NEGR1: variants seen among roughly 807,000 people sequenced by gnomAD.
NEGR1 encodes IgLON family member 4.
Under a neutral mutation model 40.9 loss-of-function variants are expected in NEGR1, and 10 were observed. That is an observed-to-expected ratio of 0.24 (90% CI 0.15 to 0.42). The LOEUF is 0.42. NEGR1 is among the 10% of genes least tolerant of loss of function. The pLI, the probability that NEGR1 is intolerant of heterozygous loss-of-function variation, is 1.00. For synonymous variants in NEGR1, 185 were observed against 166.8 expected, an observed-to-expected ratio of 1.11 and a Z score of -0.84; for missense variants, 352 against 438.9, an observed-to-expected ratio of 0.80 and a Z score of 1.77.
At chr1:71,732,492 CTGTGTGTGTG>C (rs141925137) in intron 3 of NEGR1, among the ~76,000 whole-genome samples, 19 of 147,226 alleles carry the variant, frequency 1.3e-4, no homozygotes, top group African/African-American at 4.8e-4. Context: ...TTACTGAATG[CTGTGTGTGTG>C]TGTGTGTGTG....
chr1:71,953,229 G>A (rs989693705), intron 1 of NEGR1, among the ~76,000 whole-genome samples: 6 of 151,894 alleles, frequency 4.0e-5, no homozygotes, highest in Admixed American at 2.0e-4. Context: ...AAGTTAAACC[G>A]CCTGGAAAGG....
At chr1:72,206,162 C>A (rs1653390202) in intron 1 of NEGR1, among the ~76,000 whole-genome samples, 1 of 151,354 alleles carries the variant, frequency 6.6e-6, no homozygotes, top group Non-Finnish European at 1.5e-5. Context: ...GTACAGATGG[C>A]ATGATTAATT....
At chr1:71,836,893 G>T in intron 2 of NEGR1, 1 of 152,104 alleles carries the variant, frequency 6.6e-6, no homozygotes. Context: ...TTCTAAGAAA[G>T]GAAGGAAGGA....
Position 71,407,268 on chromosome 1 carries a change from T to C in NEGR1, c.*178A>G. The C allele has an allele frequency of 1.9e-6, 1 of 531,522 alleles. No homozygotes were observed. The highest frequency in any genetic ancestry group is 3.1e-5 in the East Asian group (1 of 32,350). The allele number at this position is 531,522 out of a possible 1,614,324, so 32.9% of individuals were successfully genotyped here. ...GTACTGCTTCACAAGGTAATGTAGC[T>C]AATCAAAAAAGAGTAGAATTAAAGT... is the stretch of plus-strand genomic sequence containing the variant. On this transcript the variant is annotated 3_prime_UTR_variant, in exon 7 of 7. Transcript: ENST00000357731.
intron 4 of NEGR1, among the ~76,000 whole-genome samples, chr1:71,649,718 A>C (rs912637813): frequency 9.9e-5 from 15 of 152,168 alleles, no homozygotes; most frequent in Non-Finnish European, 1.8e-4. Context: ...AGAAGAAGTC[A>C]GACTATAAAT....
At chr1:72,277,340 G>C (rs2100567283) in intron 1 of NEGR1, among the ~76,000 whole-genome samples, 1 of 152,206 alleles carries the variant, frequency 6.6e-6, no homozygotes, top group South Asian at 2.1e-4. Flanking sequence ...AAATTCTTTA[G>C]AAGTCAGGTA....
At chr1:71,757,640 T>A (rs947577623) in intron 3 of NEGR1, among the ~76,000 whole-genome samples, 4 of 152,116 alleles carry the variant, frequency 2.6e-5, no homozygotes. Context: ...TTCTCTAATA[T>A]ATTCCATTTC....
At chr1:71,496,752 G>A (rs1004499404) in intron 6 of NEGR1, among the ~76,000 whole-genome samples, 4 of 152,118 alleles carry the variant, frequency 2.6e-5, no homozygotes, top group African/African-American at 9.7e-5. Flanking sequence ...GCCTGGCTGA[G>A]CTGGGGGATG....
At chr1:71,760,879 G>A (rs551176742) in intron 3 of NEGR1, among the ~76,000 whole-genome samples, 2 of 152,224 alleles carry the variant, frequency 1.3e-5, no homozygotes, top group African/African-American at 2.4e-5. Flanking sequence ...GAATAAAGAG[G>A]AAAGGCAATG....
intron 4 of NEGR1, among the ~76,000 whole-genome samples, chr1:71,686,780 C>A (rs1653054862): frequency 6.6e-6 from 1 of 152,184 alleles, no homozygotes; most frequent in Non-Finnish European, 1.5e-5. Flanking sequence ...CTAAAGAATT[C>A]ACAAATCATC....
intron 1 of NEGR1, among the ~76,000 whole-genome samples, chr1:72,255,962 G>A (rs922512676): frequency 2.6e-5 from 4 of 152,160 alleles, no homozygotes; most frequent in Admixed American, 6.5e-5. Flanking sequence ...CTAGAAGTTT[G>A]TATGTCATGT....
In NEGR1 at chr1:71,636,005, C is replaced by T. The variant is rs552306990; in HGVS notation, c.668-24859G>A. 1.4e-3 allele frequency among the ~76,000 whole-genome samples: 216 copies of T among 152,000 alleles called. 1 individual carries two copies. Among genetic ancestry groups the T allele is most frequent in the Non-Finnish European group, 2.0e-3 (133 of 67,928 alleles). ...CTTGACAAATAAACAATAGAAGTAACTGGTATTTTAAAAGTGCTTTAATCT... is the reference window on the plus strand; with the variant it reads ...CTTGACAAATAAACAATAGAAGTAATTGGTATTTTAAAAGTGCTTTAATCT... On this transcript the variant is annotated intron_variant, in intron 4 of 6. Transcript: ENST00000357731.
chr1:71,756,663 C>T (rs1655753460), intron 3 of NEGR1, among the ~76,000 whole-genome samples: 1 of 151,944 alleles, frequency 6.6e-6, no homozygotes, highest in African/African-American at 2.4e-5. Context: ...GAATTTGCTC[C>T]TGTCTCCATT....
At chr1:71,860,139 G>C (rs1659900659) in intron 2 of NEGR1, among the ~76,000 whole-genome samples, 1 of 151,576 alleles carries the variant, frequency 6.6e-6, no homozygotes, top group Non-Finnish European at 1.5e-5. Flanking sequence ...GAAGCTCATA[G>C]CTTTATGGTA....
At chr1:72,217,371 A>AAT (rs1166745832) in intron 1 of NEGR1, among the ~76,000 whole-genome samples, 1 of 151,872 alleles carries the variant, frequency 6.6e-6, no homozygotes, top group African/African-American at 2.4e-5. Flanking sequence ...AGCCTTTTAT[A>AAT]ATATATCAAT....
At chr1:72,191,239 T>C (rs1228150911) in intron 1 of NEGR1, among the ~76,000 whole-genome samples, 4 of 151,812 alleles carry the variant, frequency 2.6e-5, no homozygotes, top group South Asian at 4.1e-4. Context: ...TTATTAAATA[T>C]GTACATATCA....
At chr1:72,110,240 A>AAG (rs1355554370) in intron 1 of NEGR1, among the ~76,000 whole-genome samples, 1 of 150,772 alleles carries the variant, frequency 6.6e-6, no homozygotes, top group Non-Finnish European at 1.5e-5. Context: ...AAAAAAAAAA[A>AAG]AAGAATTGTG....
chr1:71,855,161 C>T (rs1659722265), intron 2 of NEGR1, among the ~76,000 whole-genome samples: 1 of 152,034 alleles, frequency 6.6e-6, no homozygotes, highest in Admixed American at 6.6e-5. Context: ...GCCCAAAGTC[C>T]TTCTAGAAAA....
intron 3 of NEGR1, among the ~76,000 whole-genome samples, chr1:71,763,099 T>C (rs2101702355): frequency 6.6e-6 from 1 of 152,252 alleles, no homozygotes; most frequent in African/African-American, 2.4e-5. Flanking sequence ...GAAAGATCTT[T>C]GTGCTGAGGG....
Sources: allele counts gnomAD v4.1 joint callset (sites outside exome capture counted in the v4.1 genomes callset), GRCh38; gene constraint gnomAD v4.1.1; transcripts MANE v1.5; gene names NCBI Gene and HGNC (gene_info 2026-07-23, HGNC 2026-07-21).